The following TENM3 variants were observed in gnomAD, a reference collection of about 807,000 sequenced individuals.
TENM3 encodes teneurin transmembrane protein 3.
A neutral mutation model predicts 255.1 loss-of-function variants in TENM3; 63 were observed. That is an observed-to-expected ratio of 0.25 (90% CI 0.20 to 0.30). TENM3 has a LOEUF of 0.30. Ranked by LOEUF, TENM3 falls within the 10% of genes least tolerant of loss-of-function variation. The pLI is 1.00. For synonymous variants in TENM3, 1,306 were observed against 1,322.3 expected (o/e 0.99, Z 0.27); for missense variants, 2,929 against 3,461.1 (o/e 0.85, Z 3.86).
At chr4:181,843,005 TA>T in the TENM3 span, among the ~76,000 whole-genome samples, 2 of 152,216 alleles carry the variant, frequency 1.3e-5, no homozygotes, top group Non-Finnish European at 2.9e-5. Context: ...TTCCTTTGAC[TA>T]AAACCTTCTC....
At chr4:181,875,001 G>A in the TENM3 span, among the ~76,000 whole-genome samples, 1 of 152,180 alleles carries the variant, frequency 6.6e-6, no homozygotes, top group Non-Finnish European at 1.5e-5. Flanking sequence ...TAGGATGAGA[G>A]AACACATCCA....
Position 182,244,222 on chromosome 4 carries a change from G to A in TENM3, c.-76+746G>A, listed in dbSNP as rs187464193. Among the ~76,000 whole-genome samples the A allele has an allele frequency of 6.7e-3, 1,018 of 152,062 alleles. 9 individuals carry two copies. Among genetic ancestry groups the A allele is most frequent in the African/African-American group, 0.024 (976 of 41,484 alleles). On this transcript the variant is annotated intron_variant, in intron 1 of 27. Transcript: ENST00000511685. ...CCCGCCTCGGCCTCCCAAAGTGCTG[G>A]GATTACAGGCGTGAGCCACCGCGCC...
chr4:182,792,607 A>G lies in TENM3; in HGVS notation c.5935A>G (p.Thr1979Ala). ...TGATGAAACAGCAGGAGTCCTAAAGACAGTAAACCTCCAGAGTGATGGTTT... is the reference window on the plus strand; with the variant it reads ...TGATGAAACAGCAGGAGTCCTAAAGGCAGTAAACCTCCAGAGTGATGGTTT... ...TYDETAGVLK[T>A]VNLQSDGFIC... The change falls in exon 26 of 28, where the codon ACA becomes GCA. Residue 1979 changes from threonine (T) to alanine (A), a missense_variant. This residue lies in a region of TENM3 where 303 missense variants were observed against 425.2 expected (regional missense o/e 0.71). Coordinates refer to ENST00000511685, the MANE Select transcript of TENM3 (RefSeq NM_001080477.4). The surrounding 1 kb of genome is among the most constrained non-coding windows in gnomAD (Gnocchi z 6.3). 1.2e-6 allele frequency: 2 copies of G among 1,614,022 alleles called. No homozygotes were observed. Among genetic ancestry groups the G allele is most frequent in the Non-Finnish European group, 1.7e-6 (2 of 1,179,900 alleles).
At chr4:181,662,755 T>C in the TENM3 span, among the ~76,000 whole-genome samples, 5,543 of 152,292 alleles carry the variant, frequency 0.036, 312 homozygotes, top group African/African-American at 0.13. Context: ...TTCTTCTCCT[T>C]GAAGTGTTTT....
chr4:182,367,396 T>A (rs17073155), intron 3 of TENM3, among the ~76,000 whole-genome samples: 3,032 of 152,262 alleles, frequency 0.02, 60 homozygotes, highest in South Asian at 0.045. Context: ...CTGTGGGTAG[T>A]GTCTGGCCAG....
At chr4:182,609,845 A>G (rs1748819721) in intron 4 of TENM3, among the ~76,000 whole-genome samples, 1 of 152,244 alleles carries the variant, frequency 6.6e-6, no homozygotes, top group African/African-American at 2.4e-5. Context: ...TGTCATGTGA[A>G]GTACCTAATG....
chr4:181,727,041 G>A, the TENM3 span, among the ~76,000 whole-genome samples: 6 of 152,086 alleles, frequency 3.9e-5, no homozygotes, highest in East Asian at 1.9e-4. Context: ...AGGAACCTTC[G>A]TGTGTTCAGC....
intron 1 of TENM3, among the ~76,000 whole-genome samples, chr4:182,281,676 T>C (rs1002423393): frequency 9.2e-5 from 14 of 152,194 alleles, no homozygotes; most frequent in African/African-American, 3.1e-4. Flanking sequence ...ACTACTTAAT[T>C]ATAACTCAGA....
intron 1 of TENM3, among the ~76,000 whole-genome samples, chr4:182,293,459 T>G (rs1761256038): frequency 6.6e-6 from 1 of 152,204 alleles, no homozygotes; most frequent in Non-Finnish European, 1.5e-5. Context: ...GAAGGATGCG[T>G]CTCTCTTCCT....
At chr4:182,011,064 C>A in the TENM3 span, among the ~76,000 whole-genome samples, 1 of 152,218 alleles carries the variant, frequency 6.6e-6, no homozygotes, top group Non-Finnish European at 1.5e-5. Flanking sequence ...CAAGAAAATT[C>A]CATCCATGCC....
At chr4:181,763,343 G>T in the TENM3 span, among the ~76,000 whole-genome samples, 2 of 151,994 alleles carry the variant, frequency 1.3e-5, no homozygotes, top group Non-Finnish European at 2.9e-5. Context: ...AGTACAATTA[G>T]CGTCAACATC....
chr4:181,691,206 C>T, the TENM3 span, among the ~76,000 whole-genome samples: 1 of 151,764 alleles, frequency 6.6e-6, no homozygotes, highest in African/African-American at 2.4e-5. Flanking sequence ...TTCTTTCTGG[C>T]TCTGCAATTC....
At chr4:182,742,022 T>C (rs6552603) in intron 18 of TENM3, among the ~76,000 whole-genome samples, 1 of 152,030 alleles carries the variant, frequency 6.6e-6, no homozygotes, top group Admixed American at 6.5e-5. Flanking sequence ...TCTGAGAACT[T>C]CTTTGGAACA....
At chr4:182,364,662 G>GCC (rs1766291065) in intron 3 of TENM3, among the ~76,000 whole-genome samples, 1 of 152,134 alleles carries the variant, frequency 6.6e-6, no homozygotes, top group Non-Finnish European at 1.5e-5. Context: ...CTCGTGATCC[G>GCC]CTCGTCTCGG....
chr4:181,612,640 A>T, the TENM3 span, among the ~76,000 whole-genome samples: 1 of 152,120 alleles, frequency 6.6e-6, no homozygotes, highest in African/African-American at 2.4e-5. Context: ...GAGTATTTGT[A>T]TGTGTGTGTT....
At chr4:182,242,498 T>C (rs939963445), upstream of TENM3, among the ~76,000 whole-genome samples, 1 of 152,168 alleles carries the variant, frequency 6.6e-6, no homozygotes, top group Non-Finnish European at 1.5e-5. Context: ...CGGTGGCTCA[T>C]GCTTATAACC....
At chr4:182,393,454 G>A (rs1380281063) in intron 3 of TENM3, among the ~76,000 whole-genome samples, 1 of 152,088 alleles carries the variant, frequency 6.6e-6, no homozygotes, top group African/African-American at 2.4e-5. Flanking sequence ...GAGATGGCTA[G>A]AAACATTTGC....
At chr4:182,765,463 G>T (rs750565699) in intron 22 of TENM3, among the ~76,000 whole-genome samples, 1 of 151,962 alleles carries the variant, frequency 6.6e-6, no homozygotes, top group Admixed American at 6.6e-5. Context: ...TTCTTTCTTT[G>T]CTCCCTTTTG....
At chr4:181,718,489 A>G in the TENM3 span, among the ~76,000 whole-genome samples, 1 of 152,184 alleles carries the variant, frequency 6.6e-6, no homozygotes, top group South Asian at 2.1e-4. Flanking sequence ...TACCTCCTAT[A>G]GTGGATTTTA....
Sources: gnomAD v4.1 joint callset for allele counts (sites outside exome capture counted in the v4.1 genomes callset) on GRCh38, gnomAD v4.1.1 for gene constraint, gnomAD v4.1.1 regional missense constraint, Gnocchi (gnomAD v3.1) non-coding constraint, MANE v1.5 for transcripts, NCBI Gene and HGNC (gene_info 2026-07-23, HGNC 2026-07-21) for gene names.